The following ZNF544 variants were observed in gnomAD, a reference collection of about 807,000 sequenced individuals.
The protein encoded by ZNF544 is zinc finger protein 544, also known as zinc finger protein AF020591.
A neutral mutation model predicts 13.5 loss-of-function variants in ZNF544; 10 were observed. The ratio of observed to expected loss-of-function variants is 0.74; its 90% confidence interval spans 0.46 to 1.25. The LOEUF is 1.25. Among genes scored for constraint, ZNF544 ranks in the 50% most tolerant of loss-of-function variants. The pLI, the probability that ZNF544 is intolerant of heterozygous loss-of-function variation, is 0.00. For missense variants in ZNF544, 896 were observed against 845.6 expected, an observed-to-expected ratio of 1.06 and a Z score of -0.74; for synonymous variants, 323 against 300.5, an observed-to-expected ratio of 1.07 and a Z score of -0.77.
At chr19:58,274,588 T>G (rs1329433162) in intron 5 of ZNF544, among the ~76,000 whole-genome samples, 1 of 152,192 alleles carries the variant, frequency 6.6e-6, no homozygotes, top group Non-Finnish European at 1.5e-5. Context: ...TAAATTTATG[T>G]CGTTTAAGCC....
intron 6 of ZNF544, among the ~76,000 whole-genome samples, chr19:58,255,765 G>A (rs1343150512): frequency 6.6e-6 from 1 of 152,252 alleles, no homozygotes; most frequent in African/African-American, 2.4e-5. Flanking sequence ...AGCTGCCGCT[G>A]CCAGTTGCAT....
intron 5 of ZNF544, among the ~76,000 whole-genome samples, chr19:58,272,680 C>T (rs1041430378): frequency 6.6e-5 from 10 of 151,792 alleles, no homozygotes; most frequent in African/African-American, 2.4e-4. Flanking sequence ...GTCAGGAGTT[C>T]AAGACCAGCC....
intron 4 of ZNF544, among the ~76,000 whole-genome samples, chr19:58,244,505 G>A (rs117478050): frequency 6.9e-4 from 105 of 152,164 alleles, no homozygotes; most frequent in South Asian, 1.0e-3. Flanking sequence ...GCAGACAGCC[G>A]TTGTCCGACT....
At chr19:58,241,189 T>TAAA (rs1600250341) in intron 3 of ZNF544, among the ~76,000 whole-genome samples, 1 of 39,640 alleles carries the variant, frequency 2.5e-5, no homozygotes, top group African/African-American at 9.0e-5. Flanking sequence ...ATTTTTTTTT[T>TAAA]TTTGTAGAGA....
intron 3 of ZNF544, 47 bp from the exon 4 acceptor site, chr19:58,243,918 G>A (rs2044476574): frequency 5.4e-6 from 8 of 1,469,976 alleles, no homozygotes; most frequent in Admixed American, 4.4e-5. Context: ...GGCCCTGGAG[G>A]TTTGCAGGAG....
intron 6 of ZNF544, chr19:58,259,179 A>T (rs1338565229): frequency 6.6e-6 from 1 of 152,282 alleles, no homozygotes; most frequent in South Asian, 2.1e-4. Flanking sequence ...GCAGCCAGTC[A>T]TGCTGATCAT....
intron 5 of ZNF544, among the ~76,000 whole-genome samples, chr19:58,270,690 C>G (rs887047065): frequency 1.3e-5 from 2 of 152,162 alleles, no homozygotes; most frequent in African/African-American, 4.8e-5. Context: ...TGTCATTATT[C>G]CTGTCACTGA....
chr19:58,242,975 G>C (rs1057399432), intron 3 of ZNF544, among the ~76,000 whole-genome samples: 3 of 152,028 alleles, frequency 2.0e-5, no homozygotes, highest in South Asian at 4.2e-4. Flanking sequence ...GATTACACGC[G>C]TGAGCCACCG....
At position 58,275,783 on chromosome 19, in the gene ZNF544, C is replaced by CAAAAAAAAAAAAAAAAAAAAAA. The variant is rs57148438; in HGVS notation, c.245-521_245-520insAAAAAAAAAAAAAAAAAAAAAA. Among the ~76,000 whole-genome samples, 9 of 66,226 alleles carry CAAAAAAAAAAAAAAAAAAAAAA rather than the reference C, an allele frequency of 1.4e-4. 1 individual carries two copies. Among genetic ancestry groups the CAAAAAAAAAAAAAAAAAAAAAA allele is most frequent in the African/African-American group, 5.4e-4 (9 of 16,598 alleles). The allele number at this position is 66,226 out of a possible 152,430, so 43.4% of individuals were successfully genotyped here. A position where few individuals can be genotyped will look rare whatever the true frequency, so the allele number is the denominator to read the frequency against. On this transcript the variant is annotated intron_variant, in intron 5 of 6. Coordinates refer to the ZNF544 transcript ENST00000595981. The stretch of plus-strand genomic sequence containing the variant: ...GTGGGCAACAGGTGAGACCCTGTCT[C>CAAAAAAAAAAAAAAAAAAAAAA]AAAAAAAAAAAAAAAAAAAGGAAAG...
intron 6 of ZNF544, among the ~76,000 whole-genome samples, chr19:58,256,089 T>C (rs2047275522): frequency 6.6e-6 from 1 of 152,190 alleles, no homozygotes; most frequent in Admixed American, 6.5e-5. Context: ...TGCATGCTTA[T>C]GTGCTGTCCA....
At chr19:58,266,755 TTAAAG>T (rs1448840662), downstream of ZNF544, 9 of 151,776 alleles carry the variant, frequency 5.9e-5, no homozygotes, top group African/African-American at 2.2e-4. Flanking sequence ...GTAGCAAAAA[TTAAAG>T]TAGGGAAGGA....
chr19:58,267,084 C>CG (rs2050011837), downstream of ZNF544: 4 of 152,150 alleles, frequency 2.6e-5, no homozygotes, highest in African/African-American at 4.8e-5. Flanking sequence ...TTTTTTGAGA[C>CG]GGAGTCTCAT....
intron 6 of ZNF544, 197 bp from the exon 7 acceptor site, chr19:58,260,654 G>A: frequency 1.9e-6 from 1 of 537,300 alleles, no homozygotes; most frequent in African/African-American, 1.9e-5. Context: ...TATTATGTTT[G>A]CTTGTATTTT....
rs2049410906 is a variant in ZNF544, at chr19:58,263,463, A to G, written c.*709A>G. 1 of 985,350 alleles carries G rather than the reference A, an allele frequency of 1.0e-6. No homozygotes were observed. The highest frequency in any genetic ancestry group is 1.7e-5 in the African/African-American group (1 of 57,322). The allele number at this position is 985,350 out of a possible 1,614,324, so 61.0% of individuals were successfully genotyped here. ...TGAGAGATTGAGACACTCTAAATAA[A>G]TAATAACCAAGATGGGAAATTTCCC... On this transcript the variant is annotated 3_prime_UTR_variant, in exon 7 of 7. Transcript: ENST00000687789.
intron 6 of ZNF544, among the ~76,000 whole-genome samples, chr19:58,250,822 A>T (rs1395450338): frequency 6.6e-6 from 1 of 152,154 alleles, no homozygotes; most frequent in Non-Finnish European, 1.5e-5. Flanking sequence ...TTGGGGTGGT[A>T]GTGTATTTGA....
At chr19:58,246,875 G>C in intron 6 of ZNF544, 81 bp downstream of exon 6, 1 of 1,398,748 alleles carries the variant, frequency 7.1e-7, no homozygotes, top group South Asian at 1.2e-5. Flanking sequence ...CAGGGGCCAA[G>C]GAGGGAGCCT....
At position 58,261,488 on chromosome 19, in the gene ZNF544, G is replaced by A. The variant is rs201604142; in HGVS notation, c.882G>A (p.Gly294=). 532 of 1,614,152 alleles carry A rather than the reference G, an allele frequency of 3.3e-4. 6 individuals carry two copies. The South Asian group carries it at 4.3e-3, about 13-fold the overall frequency. Residue 294 remains glycine (G), a synonymous_variant, in exon 7 of 7, where the codon GGG becomes GGA. Transcript: ENST00000687789. ...SLNEQKPVHF[G]KSQYECDECR... is the part of the protein sequence containing the mutation. ...ATGAACAGAAGCCAGTGCATTTTGG[G>A]AAAAGTCAGTATGAGTGTGATGAGT...
At chr19:58,259,535 T>G (rs1038949620) in intron 6 of ZNF544, 3 of 152,216 alleles carry the variant, frequency 2.0e-5, no homozygotes. Flanking sequence ...ATCAAGGTGT[T>G]GATATGGTTG....
chr19:58,241,943 C>G (rs1372660047), intron 3 of ZNF544, among the ~76,000 whole-genome samples: 1 of 151,078 alleles, frequency 6.6e-6, no homozygotes, highest in Non-Finnish European at 1.5e-5. Flanking sequence ...CTCTCTCTCT[C>G]TTTGTGCTTG....
Sources: allele counts gnomAD v4.1 joint callset (sites outside exome capture counted in the v4.1 genomes callset), GRCh38; gene constraint gnomAD v4.1.1; transcripts MANE v1.5; gene names NCBI Gene and HGNC (gene_info 2026-07-23, HGNC 2026-07-21).